Variants in ZNF428 observed in about 807,000 individuals in gnomAD.
ZNF428 encodes enzyme-like protein PIT13.
Under a neutral mutation model 15.6 loss-of-function variants are expected in ZNF428, and 5 were observed. The observed-to-expected ratio is 0.32, with a 90% confidence interval of 0.17 to 0.67. The LOEUF is 0.67. Among genes scored for constraint, ZNF428 ranks in the 30% least tolerant of loss-of-function variants. ZNF428 has a pLI of 0.73. For missense variants in ZNF428, 237 were observed against 256.0 expected, an observed-to-expected ratio of 0.93 and a Z score of 0.51; for synonymous variants, 97 against 102.2, an observed-to-expected ratio of 0.95 and a Z score of 0.31.
At chr19:43,613,485 C>T in intron 2 of ZNF428, 1 of 1,544,970 alleles carries the variant, frequency 6.5e-7, no homozygotes, top group South Asian at 1.2e-5. Flanking sequence ...TCTAGAAGTC[C>T]CAACAAGGCA....
Position 43,614,362 on chromosome 19 carries a change from C to A in ZNF428, c.-58G>T. On this transcript the variant is annotated 5_prime_UTR_variant, in exon 2 of 3. Coordinates refer to ENST00000300811, the MANE Select transcript of ZNF428 (RefSeq NM_182498.4). ...GCAGCAGCTGAGCAGCGTCCCTCCC[C>A]GGCCAGCTCTCCACAGCCACACCTC... 1.3e-6 allele frequency: 2 copies of A among 1,537,588 alleles called. No homozygotes were observed. Among genetic ancestry groups the A allele is most frequent in the Non-Finnish European group, 1.7e-6 (2 of 1,145,938 alleles).
chr19:43,617,895 T>C (rs1428469588), intron 1 of ZNF428, among the ~76,000 whole-genome samples: 1 of 152,114 alleles, frequency 6.6e-6, no homozygotes, highest in Non-Finnish European at 1.5e-5. Context: ...GGAGTGTCAC[T>C]CTGTCGCCCA....
At chr19:43,619,342 G>A (rs970101480) in intron 1 of ZNF428, among the ~76,000 whole-genome samples, 2 of 152,208 alleles carry the variant, frequency 1.3e-5, no homozygotes, top group Non-Finnish European at 2.9e-5. Context: ...TACGACTAGC[G>A]GACCGACTCC....
At position 43,607,868 on chromosome 19, in the gene ZNF428, G is replaced by T; in HGVS notation, c.316C>A (p.Pro106Thr). 1 of 1,556,674 alleles carries T rather than the reference G, an allele frequency of 6.4e-7. No individual in the cohort carries two copies. Among genetic ancestry groups the T allele is most frequent in the African/African-American group, 1.4e-5 (1 of 73,622 alleles). The change falls in exon 3 of 3, where the codon CCG becomes ACG. Residue 106 changes from proline (P) to threonine (T), a missense_variant. Transcript: ENST00000300811. This position sits in a 1 kb window ranked among gnomAD's most constrained non-coding sequence, Gnocchi z 5.1. ...CGRSPLGEAP[P>T]GTPPCRLCCP... is the part of the protein sequence containing the mutation. ...CAGAGCCGGCAGGGTGGGGTTCCCG[G>T]TGGGGCCTCCCCAAGGGGTGAGCGG...
intron 2 of ZNF428, among the ~76,000 whole-genome samples, 167 bp from the exon 3 acceptor site, chr19:43,608,274 ACTGGCACCCAGTAGATTCC>A (rs57162207): frequency 0.023 from 3,507 of 152,276 alleles, 86 homozygotes; most frequent in African/African-American, 0.064. Flanking sequence ...ACAGAACAAG[ACTGGCACCCAGTAGATTCC>A]CTGTATCTTT....
intron 2 of ZNF428, among the ~76,000 whole-genome samples, chr19:43,610,231 GCT>G (rs1208774538): frequency 1.3e-5 from 2 of 151,548 alleles, no homozygotes; most frequent in Admixed American, 6.6e-5. Flanking sequence ...ATAGAGTCTC[GCT>G]CTGTCATCCA....
chr19:43,615,933 C>G (rs1441570389), intron 1 of ZNF428, among the ~76,000 whole-genome samples: 2 of 152,144 alleles, frequency 1.3e-5, no homozygotes, highest in East Asian at 1.9e-4. Flanking sequence ...TTTACGGAGG[C>G]TTTAAGACAG....
rs1187879629 is a variant in ZNF428, at chr19:43,607,860, G to A, written c.324C>T (p.Thr108=). 6 of 1,555,822 alleles carry A rather than the reference G, an allele frequency of 3.9e-6. No individual in the cohort carries two copies. The highest frequency in any genetic ancestry group is 5.2e-6 in the Non-Finnish European group (6 of 1,149,516). Residue 108 remains threonine, a synonymous_variant, in exon 3 of 3, where the codon ACC becomes ACT. Coordinates refer to ENST00000300811, the MANE Select transcript of ZNF428 (RefSeq NM_182498.4). This position sits in a 1 kb window ranked among gnomAD's most constrained non-coding sequence, Gnocchi z 5.1. ...CAGGGCAGCAGAGCCGGCAGGGTGG[G>A]GTTCCCGGTGGGGCCTCCCCAAGGG... ...RSPLGEAPPG[T]PPCRLCCPAT...
chr19:43,612,534 G>A lies in ZNF428; in HGVS notation c.76+1695C>T, dbSNP rs1031268481. On this transcript the variant is annotated intron_variant, in intron 2 of 2. Coordinates refer to ENST00000300811, the MANE Select transcript of ZNF428 (RefSeq NM_182498.4). The surrounding 1 kb of genome is among the most constrained non-coding windows in gnomAD (Gnocchi z 4.2). The stretch of plus-strand genomic sequence containing the variant: ...CGCAGCTCCAAGAGGTCACCCAGCA[G>A]GGCCAGCACTCCTGGCAGGATAAGA... 1.5e-5 allele frequency: 24 copies of A among 1,551,334 alleles called. No individual in the cohort carries two copies. The highest frequency in any genetic ancestry group is 1.7e-4 in the Middle Eastern group (1 of 6,010).
At chr19:43,618,993 GC>G (rs1465869193) in intron 1 of ZNF428, among the ~76,000 whole-genome samples, 1 of 152,088 alleles carries the variant, frequency 6.6e-6, no homozygotes, top group Non-Finnish European at 1.5e-5. Context: ...GCCTATGGCA[GC>G]CAAACTGAAA....
chr19:43,607,394 C>G lies in ZNF428; in HGVS notation c.*223G>C, dbSNP rs967758651. The G allele has an allele frequency of 3.7e-6, 2 of 546,476 alleles. No homozygotes were observed. The highest frequency in any genetic ancestry group is 6.2e-6 in the Non-Finnish European group (2 of 324,956). The allele number at this position is 546,476 out of a possible 1,614,324, so 33.9% of individuals were successfully genotyped here. ...GAATACACACACACACACACACACA[C>G]AAACACACACACGGGCGGGAATACA... On this transcript the variant is annotated 3_prime_UTR_variant, in exon 3 of 3. Coordinates refer to ENST00000300811, the MANE Select transcript of ZNF428 (RefSeq NM_182498.4). This position sits in a 1 kb window ranked among gnomAD's most constrained non-coding sequence, Gnocchi z 5.1.
rs149324069 is a variant in ZNF428, at chr19:43,613,617, G to A, written c.76+612C>T. 1.2e-3 allele frequency: 1,919 copies of A among 1,548,630 alleles called. 1 individual carries two copies. The highest frequency in any genetic ancestry group is 1.6e-3 in the Non-Finnish European group (1,814 of 1,145,616). On this transcript the variant is annotated intron_variant, in intron 2 of 2. Transcript: ENST00000300811. ...CCCAGCAAAGAGAGAGATCACAGACGATCTAGAAGCCCCAGCAAGGAGAGA... is the reference window on the plus strand; with the variant it reads ...CCCAGCAAAGAGAGAGATCACAGACAATCTAGAAGCCCCAGCAAGGAGAGA...
In ZNF428 at chr19:43,614,291, C is replaced by T. The variant is rs763583981; in HGVS notation, c.14G>A (p.Arg5His). 3.1e-6 allele frequency: 5 copies of T among 1,610,046 alleles called. No homozygotes were observed. Among genetic ancestry groups the T allele is most frequent in the South Asian group, 1.1e-5 (1 of 90,482 alleles). ...GTAGCCCCCAGTCTCAGCTGGCTCA[C>T]GGGTCTCTGTCATGACCGGGGGAGG... MTET[R>H]EPAETGGYAS... Residue 5 changes from arginine to histidine, a missense_variant, in exon 2 of 3, where the codon CGT becomes CAT. Transcript: ENST00000300811.
chr19:43,610,967 C>G (rs1973289364), intron 2 of ZNF428, among the ~76,000 whole-genome samples: 1 of 152,196 alleles, frequency 6.6e-6, no homozygotes, highest in Admixed American at 6.5e-5. Flanking sequence ...TTCCTGAGGC[C>G]TTGGTATGGG....
rs780587179 is a variant in ZNF428 at position 43,612,641 on chromosome 19, G to A, written c.76+1588C>T. 1.9e-5 allele frequency: 29 copies of A among 1,551,254 alleles called. No individual in the cohort carries two copies. Among genetic ancestry groups the A allele is most frequent in the Admixed American group, 3.9e-5 (2 of 50,972 alleles). ...AAAAGGGAGCCGGGGAAAGAGTTAC[G>A]GCCGGCCTAGAACCAGCAACAGGGA... On this transcript the variant is annotated intron_variant, in intron 2 of 2. Coordinates refer to ENST00000300811, the MANE Select transcript of ZNF428 (RefSeq NM_182498.4). This position sits in a 1 kb window ranked among gnomAD's most constrained non-coding sequence, Gnocchi z 4.2.
At position 43,607,938 on chromosome 19, in the gene ZNF428, G is replaced by A; in HGVS notation, c.246C>T (p.Ala82=). The A allele has an allele frequency of 1.3e-6, 2 of 1,579,932 alleles. No individual in the cohort carries two copies. The highest frequency in any genetic ancestry group is 1.7e-6 in the Non-Finnish European group (2 of 1,163,076). ...GGGRGGPSRR[A]PRAAQPPAQP... is the part of the protein sequence containing the mutation. ...GGGCCGGGGGCTGGGCTGCACGGGG[G>A]GCCCGGCGGGATGGGCCACCACGGC... Residue 82 remains alanine, a synonymous_variant, in exon 3 of 3, where the codon GCC becomes GCT. Coordinates refer to ENST00000300811, the MANE Select transcript of ZNF428 (RefSeq NM_182498.4). This position sits in a 1 kb window ranked among gnomAD's most constrained non-coding sequence, Gnocchi z 5.1.
intron 2 of ZNF428, chr19:43,611,910 C>T: frequency 3.3e-6 from 2 of 598,300 alleles, no homozygotes; most frequent in Admixed American, 3.0e-5. Context: ...TGAATGGCTG[C>T]AAACCAGAGG....
chr19:43,608,133 C>T, intron 2 of ZNF428, 26 bp from the exon 3 acceptor site: 1 of 1,591,136 alleles, frequency 6.3e-7, no homozygotes, highest in Non-Finnish European at 8.6e-7. Context: ...CAGGGGAAGA[C>T]AGTGGTATCA....
chr19:43,617,003 C>T (rs1336718406), intron 1 of ZNF428, among the ~76,000 whole-genome samples: 3 of 151,932 alleles, frequency 2.0e-5, no homozygotes, highest in Non-Finnish European at 2.9e-5. Context: ...ATTATGTCAG[C>T]CAGGCTGGTC....
Sources: gnomAD v4.1 joint callset for allele counts (sites outside exome capture counted in the v4.1 genomes callset) on GRCh38, gnomAD v4.1.1 for gene constraint, Gnocchi (gnomAD v3.1) non-coding constraint, MANE v1.5 for transcripts, NCBI Gene and HGNC (gene_info 2026-07-23, HGNC 2026-07-21) for gene names.